LIN7A: variants seen among roughly 807,000 people sequenced by gnomAD.
LIN7A encodes the protein protein lin-7 homolog A.
Under a neutral mutation model 29.8 loss-of-function variants are expected in LIN7A, and 25 were observed. The ratio of observed to expected loss-of-function variants is 0.84; its 90% confidence interval spans 0.61 to 1.17. The LOEUF is 1.17. LIN7A is among the 50% of genes most tolerant of loss of function. The pLI is 0.00. For missense variants in LIN7A, 239 were observed against 287.0 expected, an observed-to-expected ratio of 0.83 and a Z score of 1.21; for synonymous variants, 118 against 107.5, an observed-to-expected ratio of 1.10 and a Z score of -0.60.
At chr12:80,850,848 T>G (rs1873295479) in intron 2 of LIN7A, among the ~76,000 whole-genome samples, 2 of 152,132 alleles carry the variant, frequency 1.3e-5, no homozygotes, top group Admixed American at 6.6e-5. Flanking sequence ...TTACCATAAT[T>G]CTGGTATATA....
chr12:80,857,517 T>C lies in LIN7A; in HGVS notation c.202-9195A>G, dbSNP rs576373915. ...GTCTACTTCTTACAGCCCACAAGCA[T>C]ATTTCTGAGCTCAACTACATGACTC... On this transcript the variant is annotated intron_variant, in intron 2 of 5. Coordinates refer to ENST00000552864, the MANE Select transcript of LIN7A (RefSeq NM_004664.4). Among the ~76,000 whole-genome samples the C allele has an allele frequency of 2.0e-5, 3 of 152,288 alleles. No homozygotes were observed. In the East Asian group the frequency reaches 5.8e-4, roughly 29 times the overall value.
intron 1 of LIN7A, among the ~76,000 whole-genome samples, chr12:80,930,195 C>G (rs1877820948): frequency 1.3e-5 from 2 of 152,144 alleles, no homozygotes; most frequent in African/African-American, 4.8e-5. Context: ...GGAAATTAGA[C>G]ACCCTAGCTT....
chr12:80,911,985 A>T (rs1442917845), intron 1 of LIN7A, among the ~76,000 whole-genome samples: 1 of 143,930 alleles, frequency 6.9e-6, no homozygotes, highest in East Asian at 2.0e-4. Flanking sequence ...ATCACATTTT[A>T]TTAATGCTTT....
chr12:80,831,349 T>C (rs1472601290), intron 4 of LIN7A, among the ~76,000 whole-genome samples: 1 of 152,206 alleles, frequency 6.6e-6, no homozygotes, highest in African/African-American at 2.4e-5. Context: ...TGTGCTTGGA[T>C]CTAGGCAGAG....
intron 2 of LIN7A, among the ~76,000 whole-genome samples, chr12:80,865,327 G>T (rs1156899636): frequency 1.3e-5 from 2 of 151,816 alleles, no homozygotes; most frequent in Non-Finnish European, 2.9e-5. Flanking sequence ...TAAAAAAAAG[G>T]TTTGTTTTTT....
At chr12:80,812,450 TAAAAAAAAAAAA>T (rs199686456) in intron 4 of LIN7A, among the ~76,000 whole-genome samples, 4 of 131,534 alleles carry the variant, frequency 3.0e-5, no homozygotes, top group Non-Finnish European at 6.5e-5. Context: ...TCAAACACTG[TAAAAAAAAAAAA>T]AAAAAAAAAA....
chr12:80,852,254 C>T (rs1873370944), intron 2 of LIN7A, among the ~76,000 whole-genome samples: 1 of 152,036 alleles, frequency 6.6e-6, no homozygotes. Flanking sequence ...GAAGTACAAG[C>T]TTCACTTTAA....
chr12:80,867,546 T>G (rs1279966338), intron 2 of LIN7A, among the ~76,000 whole-genome samples: 1 of 151,970 alleles, frequency 6.6e-6, no homozygotes, highest in Non-Finnish European at 1.5e-5. Context: ...GCTGTATTCC[T>G]TTTTTTTCAT....
intron 5 of LIN7A, among the ~76,000 whole-genome samples, chr12:80,804,795 C>G (rs963340320): frequency 6.6e-6 from 1 of 151,988 alleles, no homozygotes; most frequent in Non-Finnish European, 1.5e-5. Context: ...CTCAAGTGAT[C>G]CAGCCGCTTT....
chr12:80,910,358 A>G (rs182744584), intron 1 of LIN7A, among the ~76,000 whole-genome samples: 7 of 152,244 alleles, frequency 4.6e-5, no homozygotes, highest in Admixed American at 3.3e-4. Context: ...ATTCAAATCT[A>G]TATTACGTAT....
At position 80,794,250 on chromosome 12, in the gene LIN7A, A is replaced by G. The variant is rs1366656028; in HGVS notation, c.*3477T>C. The G allele has an allele frequency of 6.6e-6, 1 of 152,132 alleles. No individual in the cohort carries two copies. Among genetic ancestry groups the G allele is most frequent in the Non-Finnish European group, 1.5e-5 (1 of 68,012 alleles). 9.4% of individuals were successfully genotyped at this position (152,132 alleles called of 1,614,324 possible). ...CCTACATTGTGCCAGGCAGTGGTCA[A>G]GGCAGTCACAGCCCTTTCTCTATAG... On this transcript the variant is annotated 3_prime_UTR_variant, in exon 6 of 6. Coordinates refer to ENST00000552864, the MANE Select transcript of LIN7A (RefSeq NM_004664.4).
intron 5 of LIN7A, among the ~76,000 whole-genome samples, chr12:80,804,145 A>C (rs1395398724): frequency 2.0e-5 from 3 of 152,198 alleles, no homozygotes; most frequent in Non-Finnish European, 4.4e-5. Flanking sequence ...TTTGATACAG[A>C]CATGCAATGT....
intron 2 of LIN7A, among the ~76,000 whole-genome samples, chr12:80,867,545 CT>C (rs919543449): frequency 1.3e-5 from 2 of 151,938 alleles, no homozygotes; most frequent in Non-Finnish European, 2.9e-5. Flanking sequence ...TGCTGTATTC[CT>C]TTTTTTTCAT....
At chr12:80,876,507 T>C (rs965932804) in intron 2 of LIN7A, among the ~76,000 whole-genome samples, 15 of 152,172 alleles carry the variant, frequency 9.9e-5, no homozygotes, top group African/African-American at 3.4e-4. Flanking sequence ...ATATTCACTA[T>C]ATAAACCACC....
intron 4 of LIN7A, chr12:80,842,176 T>G (rs994714177): frequency 8.0e-7 from 1 of 1,251,086 alleles, no homozygotes; most frequent in African/African-American, 1.6e-5. Flanking sequence ...TGTCTTTATT[T>G]TTATTTATTG....
At chr12:80,890,891 T>C (rs1409438946) in intron 1 of LIN7A, among the ~76,000 whole-genome samples, 2 of 152,120 alleles carry the variant, frequency 1.3e-5, no homozygotes, top group Non-Finnish European at 2.9e-5. Flanking sequence ...AGTGAGACCC[T>C]ATCTCTAAAA....
At chr12:80,928,374 C>T (rs2120933001) in intron 1 of LIN7A, among the ~76,000 whole-genome samples, 1 of 152,082 alleles carries the variant, frequency 6.6e-6, no homozygotes, top group East Asian at 1.9e-4. Context: ...CATCTGTTTC[C>T]TGACTTTTTA....
rs1365954139 is a variant in LIN7A, at chr12:80,811,575, C to T, written c.592G>A (p.Ala198Thr). Residue 198 changes from alanine (A) to threonine (T), a missense_variant, in exon 5 of 6, where the codon GCT becomes ACT. By Grantham distance (58) the Ala-to-Thr change is moderately conservative (BLOSUM62 0). Transcript: ENST00000552864. ...GCTGTTCGTAGCTTTTCAAAGCGAG[C>T]CTCCATTTCTTCCAGAACTTTTGGG... ...YTPKVLEEME[A>T]RFEKLRTARR... The T allele has an allele frequency of 6.2e-7, 1 of 1,614,002 alleles. No homozygotes were observed. The highest frequency in any genetic ancestry group is 1.3e-5 in the African/African-American group (1 of 74,916).
At chr12:80,897,434 C>T (rs564064922) in intron 1 of LIN7A, among the ~76,000 whole-genome samples, 1 of 152,158 alleles carries the variant, frequency 6.6e-6, no homozygotes, top group South Asian at 2.1e-4. Context: ...TACTGCCTGC[C>T]CTTGTTAGGC....
Sources: allele counts gnomAD v4.1 joint callset (sites outside exome capture counted in the v4.1 genomes callset), GRCh38; gene constraint gnomAD v4.1.1; transcripts MANE v1.5; gene names NCBI Gene and HGNC (gene_info 2026-07-23, HGNC 2026-07-21).